Variants in MMP14 observed in about 807,000 individuals in gnomAD.
MMP14 encodes matrix metallopeptidase 14, also known as matrix metalloproteinase-14.
In MMP14, 13 loss-of-function variants were observed where a neutral mutation model predicts 64.8. The ratio of observed to expected loss-of-function variants is 0.20; its 90% CI spans 0.13 to 0.32. The LOEUF (loss-of-function observed/expected upper bound fraction) is 0.32, where lower values mean the gene tolerates loss of function less well. Among genes scored for constraint, MMP14 ranks in the 10% least tolerant of loss-of-function variants. The pLI is 1.00. For missense variants in MMP14, 594 were observed against 783.8 expected, an observed-to-expected ratio of 0.76 and a Z score of 2.89; for synonymous variants, 322 against 315.9, an observed-to-expected ratio of 1.02 and a Z score of -0.20.
At chr14:22,840,259 G>T (rs545701774) in intron 1 of MMP14, among the ~76,000 whole-genome samples, 4 of 152,102 alleles carry the variant, frequency 2.6e-5, no homozygotes, top group African/African-American at 9.7e-5. Flanking sequence ...CAGCCACCAC[G>T]CCCAGCCTGG....
intron 1 of MMP14, among the ~76,000 whole-genome samples, chr14:22,840,822 C>T (rs1461461778): frequency 2.0e-5 from 3 of 152,168 alleles, no homozygotes; most frequent in Non-Finnish European, 4.4e-5. Flanking sequence ...TGCTGAGAAT[C>T]TTAAATAGGC....
chr14:22,841,500 C>T lies in MMP14; in HGVS notation c.118C>T (p.Gln40Ter). ...ACCCCTTTCCCTACAGGCCTGGCTACAGCAATATGGCTACCTGCCTCCCGG... is the reference window on the plus strand; with the variant it reads ...ACCCCTTTCCCTACAGGCCTGGCTATAGCAATATGGCTACCTGCCTCCCGG... The part of the protein sequence containing the change: ...SSSFSPEAWL[Q>*]QYGYLPPGDL... The change falls in exon 2 of 10, where the codon CAG becomes TAG. Residue 40 changes from glutamine to a stop codon, truncating the protein, a stop_gained. Transcript: ENST00000311852. LOFTEE classifies it high-confidence loss of function. 1 of 1,613,912 alleles carries T rather than the reference C, an allele frequency of 6.2e-7. No individual in the cohort carries two copies. Among genetic ancestry groups the T allele is most frequent in the Non-Finnish European group, 8.5e-7 (1 of 1,180,014 alleles).
intron 1 of MMP14, among the ~76,000 whole-genome samples, chr14:22,840,921 T>C (rs1261673250): frequency 6.6e-6 from 1 of 152,182 alleles, no homozygotes. Context: ...TCTTACCACA[T>C]TCCAAGTTCC....
In MMP14 at chr14:22,845,241, C is replaced by T. The variant is rs542026902; in HGVS notation, c.1302-10C>T. ...GTGTCCGCCACTGCCCTTCCTTTCC[C>T]CTTCCCCAGGTACTACCGTTTCAAC... On this transcript the variant is annotated splice_polypyrimidine_tract_variant and intron_variant, in intron 8 of 9. Coordinates refer to ENST00000311852, the MANE Select transcript of MMP14 (RefSeq NM_004995.4). 1 of 1,608,082 alleles carries T rather than the reference C, an allele frequency of 6.2e-7. No homozygotes were observed. The highest frequency in any genetic ancestry group is 1.1e-5 in the South Asian group (1 of 90,798).
intron 1 of MMP14, 69 bp downstream of exon 1, chr14:22,836,994 G>T (rs2138732960): frequency 1.6e-6 from 2 of 1,233,908 alleles, no homozygotes; most frequent in African/African-American, 3.0e-5. Context: ...TCTCCTAGGG[G>T]ACAGCCTCTA....
intron 1 of MMP14, 149 bp from the exon 2 acceptor site, chr14:22,841,342 A>G (rs1595014025): frequency 1.0e-6 from 1 of 972,766 alleles, no homozygotes. Flanking sequence ...CTAGCCTGGG[A>G]GTTCCTCCAG....
At position 22,837,157 on chromosome 14, in the gene MMP14, T is replaced by G. The variant is rs1377038590; in HGVS notation, c.108+232T>G. 1.0e-5 allele frequency: 7 copies of G among 672,996 alleles called. No homozygotes were observed. In the East Asian group the frequency reaches 1.1e-4, roughly 11 times the overall value. The allele number at this position is 672,996 out of a possible 1,614,324, so 41.7% of individuals were successfully genotyped here. On this transcript the variant is annotated intron_variant, in intron 1 of 9. Coordinates refer to ENST00000311852, the MANE Select transcript of MMP14 (RefSeq NM_004995.4). Reference sequence around the variant, plus strand: ...CCACCCCCTGCGCCGCCGACTCTCCTTCCCATTCCTTCTTTTTTCCCAGTC... The same window carrying G: ...CCACCCCCTGCGCCGCCGACTCTCCGTCCCATTCCTTCTTTTTTCCCAGTC...
chr14:22,836,884 G>A lies in MMP14; in HGVS notation c.67G>A (p.Ala23Thr). The A allele has an allele frequency of 6.2e-7, 1 of 1,613,682 alleles. No homozygotes were observed. Among genetic ancestry groups the A allele is most frequent in the African/African-American group, 1.3e-5 (1 of 75,020 alleles). Residue 23 changes from alanine (A) to threonine (T), a missense_variant, in exon 1 of 10, where the codon GCC becomes ACC. Ala to Thr is a moderately conservative substitution (Grantham distance 58). This residue lies in a region of MMP14 where 45 missense variants were observed against 48.8 expected (regional missense o/e 0.92). Coordinates refer to ENST00000311852, the MANE Select transcript of MMP14 (RefSeq NM_004995.4). The stretch of plus-strand genomic sequence containing the variant: ...CCTGCTCACGCTCGGCACCGCGCTC[G>A]CCTCCCTCGGCTCGGCCCAAAGCAG... ...LPLLTLGTAL[A>T]SLGSAQSSSF...
At position 22,843,609 on chromosome 14, in the gene MMP14, GCCCATCCACACCTTTCCA is replaced by G; in HGVS notation, c.851-100_851-83del. ...TTGGTTGCTTCAGCCTCCCCTAGAA[GCCCATCCACACCTTTCCA>G]AGGGTATTGTCTGCCCATCTGTCTG... On this transcript the variant is annotated intron_variant, in intron 5 of 9. Coordinates refer to ENST00000311852, the MANE Select transcript of MMP14 (RefSeq NM_004995.4). This position sits in a 1 kb window ranked among gnomAD's most constrained non-coding sequence, Gnocchi z 4.8. 1 of 1,441,192 alleles carries G rather than the reference GCCCATCCACACCTTTCCA, an allele frequency of 6.9e-7. No homozygotes were observed. Among genetic ancestry groups the G allele is most frequent in the Non-Finnish European group, 9.4e-7 (1 of 1,062,310 alleles). The allele number at this position is 1,441,192 out of a possible 1,614,324, so 89.3% of individuals were successfully genotyped here. A position where few individuals can be genotyped will look rare whatever the true frequency, so the allele number is the denominator to read the frequency against.
intron 1 of MMP14, 55 bp downstream of exon 1, chr14:22,836,980 G>A: frequency 1.4e-6 from 2 of 1,418,512 alleles, no homozygotes; most frequent in Admixed American, 1.8e-5. Context: ...GGCGAGCCCG[G>A]GGGTCTCCTA....
Position 22,845,880 on chromosome 14 carries a change from C to A in MMP14, c.1590C>A (p.Asp530Glu). ...EETEVIIIEV[D>E]EEGGGAVSAA... is the part of the protein sequence containing the mutation. ...CGGAGGTGATCATCATTGAGGTGGACGAGGAGGGCGGCGGGGCGGTGAGCG... is the reference window on the plus strand; with the variant it reads ...CGGAGGTGATCATCATTGAGGTGGAAGAGGAGGGCGGCGGGGCGGTGAGCG... Residue 530 changes from aspartate to glutamate, a missense_variant, in exon 10 of 10, where the codon GAC (aspartate) becomes GAA (glutamate). Asp to Glu is a conservative substitution (Grantham distance 45). Coordinates refer to ENST00000311852, the MANE Select transcript of MMP14 (RefSeq NM_004995.4). The A allele has an allele frequency of 6.2e-7, 1 of 1,613,810 alleles. No individual in the cohort carries two copies.
chr14:22,845,586 T>A, intron 9 of MMP14, 122 bp from the exon 10 acceptor site: 1 of 1,086,930 alleles, frequency 9.2e-7, no homozygotes, highest in Admixed American at 1.9e-5. Flanking sequence ...CTGAGGAAGC[T>A]GATGCTCACG....
In MMP14 at chr14:22,846,299, C is replaced by T; in HGVS notation, c.*260C>T. The T allele has an allele frequency of 2.0e-6, 1 of 497,166 alleles. No homozygotes were observed. Among genetic ancestry groups the T allele is most frequent in the South Asian group, 3.5e-5 (1 of 28,652 alleles). 30.8% of individuals were successfully genotyped at this position (497,166 alleles called of 1,614,324 possible). On this transcript the variant is annotated 3_prime_UTR_variant, in exon 10 of 10. Transcript: ENST00000311852. ...TTCCAGCCTCTGCCCCTCAGGGGAA[C>T]CCTGTAGCTTTGTGTCTGTCCAGCC... is the stretch of plus-strand genomic sequence containing the variant.
In MMP14 at chr14:22,843,998, G is replaced by C; in HGVS notation, c.1011+128G>C. 8.2e-7 allele frequency: 1 copy of C among 1,213,496 alleles called. No homozygotes were observed. The highest frequency in any genetic ancestry group is 2.6e-5 in the Admixed American group (1 of 38,844). 75.2% of individuals were successfully genotyped at this position (1,213,496 alleles called of 1,614,324 possible). A position where few individuals can be genotyped will look rare whatever the true frequency, so the allele number is the denominator to read the frequency against. ...ATCACCTGAGGTCTGGAGTTCGAGA[G>C]CAGGCTGGCCAACATAGTGAAACCC... On this transcript the variant is annotated intron_variant, in intron 6 of 9. Coordinates refer to ENST00000311852, the MANE Select transcript of MMP14 (RefSeq NM_004995.4). The surrounding 1 kb of genome is among the most constrained non-coding windows in gnomAD (Gnocchi z 4.8).
chr14:22,841,975 T>A lies in MMP14; in HGVS notation c.320T>A (p.Val107Asp). The A allele has an allele frequency of 6.2e-7, 1 of 1,614,150 alleles. No homozygotes were observed. Among genetic ancestry groups the A allele is most frequent in the Non-Finnish European group, 8.5e-7 (1 of 1,180,036 alleles). ...TTTGGGGCTGAGATCAAGGCCAATGTTCGAAGGAAGCGCTACGCCATCCAG... is the reference window on the plus strand; with the variant it reads ...TTTGGGGCTGAGATCAAGGCCAATGATCGAAGGAAGCGCTACGCCATCCAG... ...DKFGAEIKAN[V>D]RRKRYAIQGL... The change falls in exon 3 of 10, where the codon GTT becomes GAT. Residue 107 changes from valine to aspartate, a missense_variant. Val to Asp is a radical substitution (Grantham distance 152). Transcript: ENST00000311852.
In MMP14 at chr14:22,843,368, A is replaced by G; in HGVS notation, c.800A>G (p.Glu267Gly). ...CCCTTTTACCAGTGGATGGACACGG[A>G]GAATTTTGTGCTGCCCGATGATGAC... ...MAPFYQWMDT[E>G]NFVLPDDDRR... Residue 267 changes from glutamate to glycine, a missense_variant, in exon 5 of 10, where the codon GAG (glutamate) becomes GGG (glycine). Physicochemically the swap from Glu to Gly is moderately conservative, Grantham distance 98. Transcript: ENST00000311852. The surrounding 1 kb of genome is among the most constrained non-coding windows in gnomAD (Gnocchi z 4.8). 6.2e-7 allele frequency: 1 copy of G among 1,614,064 alleles called. No homozygotes were observed. Among genetic ancestry groups the G allele is most frequent in the Non-Finnish European group, 8.5e-7 (1 of 1,180,020 alleles).
intron 9 of MMP14, 24 bp downstream of exon 9, chr14:22,845,390 C>A: frequency 6.6e-7 from 1 of 1,523,506 alleles, no homozygotes; most frequent in Non-Finnish European, 9.0e-7. Flanking sequence ...GGGAAGGTGT[C>A]GCTGAGAGAA....
intron 8 of MMP14, 88 bp downstream of exon 8, chr14:22,844,868 C>T (rs987883080): frequency 7.8e-6 from 12 of 1,542,636 alleles, no homozygotes; most frequent in South Asian, 2.3e-5. Flanking sequence ...ACCCACTTTA[C>T]CCCCAACATG....
At chr14:22,837,543 C>A (rs1167394739) in intron 1 of MMP14, 3 of 361,150 alleles carry the variant, frequency 8.3e-6, no homozygotes, top group Non-Finnish European at 1.6e-5. Context: ...AGGGTCGCAG[C>A]GCCGGCGCGC....
Sources: allele counts gnomAD v4.1 joint callset (sites outside exome capture counted in the v4.1 genomes callset), GRCh38; gene constraint gnomAD v4.1.1; regional missense constraint gnomAD v4.1.1; non-coding constraint Gnocchi (gnomAD v3.1); transcripts MANE v1.5; gene names NCBI Gene and HGNC (gene_info 2026-07-23, HGNC 2026-07-21).